The following TBC1D1 variants were observed in gnomAD, a reference collection of about 807,000 sequenced individuals.
TBC1D1 encodes TBC1 domain family member 1, also known as TBC1 (tre-2/USP6, BUB2, cdc16) domain family, member 1.
In TBC1D1, 89 loss-of-function variants were observed where a neutral mutation model predicts 125.6. The ratio of observed to expected loss-of-function variants is 0.71; its 90% CI spans 0.60 to 0.85. The LOEUF is 0.85. Ranked by LOEUF, TBC1D1 falls within the 40% of genes least tolerant of loss-of-function variation. TBC1D1 has a pLI of 0.00. For synonymous variants in TBC1D1, 565 were observed against 564.1 expected (o/e 1.00, Z -0.02); for missense variants, 1,377 against 1,469.2 (o/e 0.94, Z 1.03).
chr4:38,134,183 G>A (rs1002901980), intron 19 of TBC1D1, among the ~76,000 whole-genome samples: 1 of 152,078 alleles, frequency 6.6e-6, no homozygotes, highest in African/African-American at 2.4e-5. Flanking sequence ...TCTGATCTAA[G>A]CCTCTGATTT....
chr4:38,071,644 C>T (rs1037824804), intron 12 of TBC1D1, among the ~76,000 whole-genome samples: 2 of 152,140 alleles, frequency 1.3e-5, no homozygotes, highest in African/African-American at 4.8e-5. Context: ...TGCCTCATGC[C>T]GTTGCTGCTT....
At chr4:38,015,616 G>C (rs17607179) in intron 3 of TBC1D1, among the ~76,000 whole-genome samples, 1 of 152,078 alleles carries the variant, frequency 6.6e-6, no homozygotes, top group Admixed American at 6.5e-5. Flanking sequence ...AGTCCCCTGG[G>C]TCTGAACGGA....
chr4:38,097,668 G>T (rs1759596987), intron 14 of TBC1D1, among the ~76,000 whole-genome samples: 1 of 151,794 alleles, frequency 6.6e-6, no homozygotes, highest in African/African-American at 2.4e-5. Flanking sequence ...ACTAGAGACG[G>T]GTTTTCACTG....
intron 1 of TBC1D1, among the ~76,000 whole-genome samples, chr4:37,894,923 A>C (rs1401258860): frequency 6.6e-6 from 1 of 152,204 alleles, no homozygotes; most frequent in Non-Finnish European, 1.5e-5. Flanking sequence ...TGCCACCTTC[A>C]CAATTTATTA....
intron 5 of TBC1D1, 45 bp from the exon 6 acceptor site, chr4:38,021,541 C>T (rs374838040): frequency 1.6e-5 from 23 of 1,452,464 alleles, no homozygotes; most frequent in Admixed American, 8.4e-5. Flanking sequence ...CAGCTAATTT[C>T]AAATTGACTT....
In TBC1D1 at chr4:38,051,850, C is replaced by T. The variant is rs759124489; in HGVS notation, c.1910+1952C>T. 132 of 1,522,664 alleles carry T rather than the reference C, an allele frequency of 8.7e-5. 1 individual carries two copies. Among genetic ancestry groups the T allele is most frequent in the South Asian group, 1.5e-4 (12 of 81,238 alleles). The allele number at this position is 1,522,664 out of a possible 1,614,324, so 94.3% of individuals were successfully genotyped here. ...CCTGTTTGCTCCGTGTCCCTGTCGG[C>T]GCCCCCTCTCCTGCTAACCCCCCCG... On this transcript the variant is annotated intron_variant, in intron 11 of 19. Transcript: ENST00000261439.
Position 37,995,766 on chromosome 4 carries a change from C to T in TBC1D1, c.418-18743C>T, listed in dbSNP as rs1169564902. Reference sequence around the variant, plus strand: ...GCACTTTGGTCTTAACTGCATTCACCCTCTCCAGCACCTTCTCCTGGATTG... The same window carrying T: ...GCACTTTGGTCTTAACTGCATTCACTCTCTCCAGCACCTTCTCCTGGATTG... On this transcript the variant is annotated intron_variant, in intron 2 of 19. Transcript: ENST00000261439. The surrounding 1 kb of genome is among the most constrained non-coding windows in gnomAD (Gnocchi z 4.3). 9.4e-6 allele frequency: 5 copies of T among 534,156 alleles called. No homozygotes were observed. Among genetic ancestry groups the T allele is most frequent in the Non-Finnish European group, 1.9e-5 (5 of 265,936 alleles). The allele number at this position is 534,156 out of a possible 1,614,324, so 33.1% of individuals were successfully genotyped here. A position where few individuals can be genotyped will look rare whatever the true frequency, so the allele number is the denominator to read the frequency against.
rs1767016809 is a variant in TBC1D1, at chr4:38,138,862, CGAG to C, written c.*1531_*1533del. The C allele has an allele frequency of 6.6e-6, 1 of 152,598 alleles. No homozygotes were observed. The highest frequency in any genetic ancestry group is 1.5e-5 in the Non-Finnish European group (1 of 68,040). 9.5% of individuals were successfully genotyped at this position (152,598 alleles called of 1,614,324 possible). A position where few individuals can be genotyped will look rare whatever the true frequency, so the allele number is the denominator to read the frequency against. The stretch of plus-strand genomic sequence containing the variant: ...ACTGTGAGTCTCCCCGGCCATTTCA[CGAG>C]GAGACCACAGTGCTGCCACCAGTGC... On this transcript the variant is annotated 3_prime_UTR_variant, in exon 20 of 20. Coordinates refer to ENST00000261439, the MANE Select transcript of TBC1D1 (RefSeq NM_015173.4).
intron 12 of TBC1D1, among the ~76,000 whole-genome samples, chr4:38,086,690 T>A (rs981198240): frequency 6.6e-6 from 1 of 152,152 alleles, no homozygotes; most frequent in South Asian, 2.1e-4. Context: ...GTGAAGGAGA[T>A]GAGCCGACGT....
chr4:38,015,005 A>C, intron 3 of TBC1D1, 32 bp downstream of exon 3: 8 of 1,497,844 alleles, frequency 5.3e-6, no homozygotes, highest in East Asian at 2.3e-5. Context: ...GCACAGCCCC[A>C]GTCTGCCATA....
intron 2 of TBC1D1, among the ~76,000 whole-genome samples, chr4:37,943,910 T>C (rs973168544): frequency 1.3e-5 from 2 of 152,250 alleles, no homozygotes; most frequent in Admixed American, 1.3e-4. Context: ...GGAGAGGCAC[T>C]CTGATTTTTG....
intron 8 of TBC1D1, among the ~76,000 whole-genome samples, chr4:38,039,408 C>T (rs1747915579): frequency 6.6e-6 from 1 of 152,034 alleles, no homozygotes; most frequent in Middle Eastern, 3.2e-3. Context: ...TGAGCCACCG[C>T]GCCTGGCCGG....
chr4:37,998,255 C>T (rs16994133), intron 2 of TBC1D1, among the ~76,000 whole-genome samples: 20,927 of 152,166 alleles, frequency 0.14, 2,025 homozygotes, highest in African/African-American at 0.28. Context: ...GGTTACAAGA[C>T]CCCTGTCTCC....
At chr4:38,049,239 T>TA (rs1750029025) in intron 10 of TBC1D1, among the ~76,000 whole-genome samples, 1 of 152,178 alleles carries the variant, frequency 6.6e-6, no homozygotes, top group Non-Finnish European at 1.5e-5. Flanking sequence ...GTGGCAAAGA[T>TA]AAAGAACTTG....
At chr4:38,097,665 A>G (rs1759595140) in intron 14 of TBC1D1, among the ~76,000 whole-genome samples, 1 of 151,328 alleles carries the variant, frequency 6.6e-6, no homozygotes, top group Non-Finnish European at 1.5e-5. Flanking sequence ...TTTACTAGAG[A>G]CGGGTTTTCA....
Position 37,995,898 on chromosome 4 carries a change from G to T in TBC1D1, c.418-18611G>T. 1.7e-6 allele frequency: 1 copy of T among 581,322 alleles called. No homozygotes were observed. The highest frequency in any genetic ancestry group is 3.4e-6 in the Non-Finnish European group (1 of 295,696). 36.0% of individuals were successfully genotyped at this position (581,322 alleles called of 1,614,324 possible). A position where few individuals can be genotyped will look rare whatever the true frequency, so the allele number is the denominator to read the frequency against. ...AATCCAGACTTCTGGCTTAACCATG[G>T]CAAGCAGCGACAGGACCTTCTCATT... On this transcript the variant is annotated intron_variant, in intron 2 of 19. Coordinates refer to ENST00000261439, the MANE Select transcript of TBC1D1 (RefSeq NM_015173.4). This position sits in a 1 kb window ranked among gnomAD's most constrained non-coding sequence, Gnocchi z 4.3.
At chr4:38,117,612 A>G (rs62297264) in intron 16 of TBC1D1, among the ~76,000 whole-genome samples, 101 of 152,334 alleles carry the variant, frequency 6.6e-4, no homozygotes, top group Non-Finnish European at 9.3e-4. Flanking sequence ...ATGGATTCCT[A>G]TGGAATCATA....
intron 11 of TBC1D1, chr4:38,051,969 C>T (rs778189148): frequency 1.1e-4 from 165 of 1,550,712 alleles, no homozygotes; most frequent in Non-Finnish European, 1.4e-4. Context: ...TCCTCCACCT[C>T]GTCTTAACCC....
intron 19 of TBC1D1, among the ~76,000 whole-genome samples, chr4:38,133,763 A>G (rs1765998956): frequency 6.6e-6 from 1 of 152,214 alleles, no homozygotes; most frequent in Non-Finnish European, 1.5e-5. Context: ...TCTCCCCTCT[A>G]GAAACTTCCA....
Sources: gnomAD v4.1 joint callset for allele counts (sites outside exome capture counted in the v4.1 genomes callset) on GRCh38, gnomAD v4.1.1 for gene constraint, Gnocchi (gnomAD v3.1) non-coding constraint, MANE v1.5 for transcripts, NCBI Gene and HGNC (gene_info 2026-07-23, HGNC 2026-07-21) for gene names.